PDZRN4: variants seen among roughly 807,000 people sequenced by gnomAD.
The protein encoded by PDZRN4 is PDZ domain-containing RING finger protein 4.
A neutral mutation model predicts 99.0 loss-of-function variants in PDZRN4; 70 were observed. The ratio of observed to expected loss-of-function variants is 0.71; its 90% CI spans 0.58 to 0.86. The LOEUF is 0.86. Ranked by LOEUF, PDZRN4 falls within the 40% of genes least tolerant of loss-of-function variation. The probability of loss-of-function intolerance (pLI) is 0.00; values close to 1 mark genes in which losing one functional copy is unlikely to be tolerated. For missense variants in PDZRN4, 1,474 were observed against 1,331.2 expected (o/e 1.11, Z -1.67); for synonymous variants, 551 against 501.6 (o/e 1.10, Z -1.32).
chr12:41,425,643 T>C (rs1952529577), intron 3 of PDZRN4, among the ~76,000 whole-genome samples: 2 of 152,122 alleles, frequency 1.3e-5, no homozygotes, highest in Admixed American at 1.3e-4. Context: ...AAAAAATATG[T>C]CCACATTCAC....
intron 3 of PDZRN4, among the ~76,000 whole-genome samples, chr12:41,423,588 T>A (rs1460857437): frequency 2.0e-5 from 3 of 152,156 alleles, no homozygotes; most frequent in Non-Finnish European, 4.4e-5. Flanking sequence ...TGCATCACAT[T>A]GTCCTATAAC....
chr12:41,439,970 C>T (rs544044370), intron 3 of PDZRN4, among the ~76,000 whole-genome samples: 45 of 152,202 alleles, frequency 3.0e-4, no homozygotes, highest in Middle Eastern at 3.4e-3. Context: ...TCATATAATA[C>T]GCTGGAGCCC....
At chr12:41,246,315 T>C (rs1268593130) in intron 3 of PDZRN4, among the ~76,000 whole-genome samples, 2 of 152,240 alleles carry the variant, frequency 1.3e-5, no homozygotes, top group Admixed American at 6.5e-5. Flanking sequence ...GTATTTCAAC[T>C]GTACAGTTAA....
intron 3 of PDZRN4, among the ~76,000 whole-genome samples, chr12:41,366,251 T>C (rs1034096983): frequency 2.6e-5 from 4 of 152,144 alleles, no homozygotes; most frequent in African/African-American, 9.7e-5. Flanking sequence ...GTCACGGCCA[T>C]AGATTTTGTG....
rs1458172 is a variant in PDZRN4 at position 41,508,873 on chromosome 12, C to G, written c.1101-938C>G. On this transcript the variant is annotated intron_variant, in intron 4 of 9. Coordinates refer to ENST00000402685, the MANE Select transcript of PDZRN4 (RefSeq NM_001164595.2). ...ATTGATACTGCTATCTCCAATTTTT[C>G]AAAAAGATCCACACTGGCAGGAGTT... Among the ~76,000 whole-genome samples the G allele has an allele frequency of 8.8e-3, 1,345 of 151,982 alleles. 56 individuals are homozygous for G. In the East Asian group the frequency reaches 0.14, roughly 15 times the overall value.
At chr12:41,204,612 G>C (rs1172086238) in intron 3 of PDZRN4, among the ~76,000 whole-genome samples, 1 of 151,976 alleles carries the variant, frequency 6.6e-6, no homozygotes, top group Non-Finnish European at 1.5e-5. Flanking sequence ...AAATGCAGGA[G>C]GAACTACCAA....
intron 3 of PDZRN4, among the ~76,000 whole-genome samples, chr12:41,253,032 T>C (rs1471257633): frequency 6.6e-6 from 1 of 152,150 alleles, no homozygotes; most frequent in Admixed American, 6.5e-5. Flanking sequence ...GAGATGAACA[T>C]GTGGGAAAGA....
intron 3 of PDZRN4, among the ~76,000 whole-genome samples, chr12:41,213,281 G>A (rs1172377820): frequency 6.6e-6 from 1 of 152,060 alleles, no homozygotes; most frequent in Admixed American, 6.6e-5. Context: ...AGGCTGGCTA[G>A]TCAGCCAGTG....
At chr12:41,406,881 G>C (rs969207246) in intron 3 of PDZRN4, among the ~76,000 whole-genome samples, 1 of 125,794 alleles carries the variant, frequency 7.9e-6, no homozygotes, top group East Asian at 2.2e-4. Context: ...AAAAAAAAAA[G>C]ACAATTCTAA....
chr12:41,390,614 C>A (rs1413319427), intron 3 of PDZRN4, among the ~76,000 whole-genome samples: 1 of 143,110 alleles, frequency 7.0e-6, no homozygotes, highest in African/African-American at 2.6e-5. Context: ...TTGATGATTT[C>A]TGGGGTTTAG....
intron 8 of PDZRN4, among the ~76,000 whole-genome samples, chr12:41,566,998 T>G (rs1212475745): frequency 6.6e-6 from 1 of 152,180 alleles, no homozygotes; most frequent in Non-Finnish European, 1.5e-5. Flanking sequence ...CACTTTGTAT[T>G]GAAAAGCCGA....
rs1170427616 is a variant in PDZRN4, at chr12:41,339,758, C to G, written c.843+145570C>G. Among the ~76,000 whole-genome samples, 4 of 151,894 alleles carry G rather than the reference C, an allele frequency of 2.6e-5. No individual in the cohort carries two copies. The East Asian group carries it at 7.7e-4, about 29-fold the overall frequency. ...TCTAATAATCCAATTTAAAAATGGG[C>G]AAAAGGGCTGAATACAGATTTCTCA... On this transcript the variant is annotated intron_variant, in intron 3 of 9. Transcript: ENST00000402685.
rs1394757102 is a variant in PDZRN4, at chr12:41,572,846, C to T, written c.2067C>T (p.Leu689=). The T allele has an allele frequency of 1.9e-6, 3 of 1,614,050 alleles. No individual in the cohort carries two copies. Among genetic ancestry groups the T allele is most frequent in the East Asian group, 4.5e-5 (2 of 44,876 alleles). The change falls in exon 10 of 10, where the codon CTC becomes CTT. Residue 689 remains leucine (L), a synonymous_variant. Coordinates refer to ENST00000402685, the MANE Select transcript of PDZRN4 (RefSeq NM_001164595.2). ...AGAATATCATGCAGGCTCACAGGCT[C>T]CAGAAAGTGACAGACCAGTATGGAG... is the stretch of plus-strand genomic sequence containing the variant. ...ECQNIMQAHR[L]QKVTDQYGDI...
chr12:41,518,094 T>C (rs1938434286), intron 5 of PDZRN4, among the ~76,000 whole-genome samples: 1 of 152,242 alleles, frequency 6.6e-6, no homozygotes, highest in Non-Finnish European at 1.5e-5. Context: ...GTCTCTGAAA[T>C]GAATGAGTGG....
intron 5 of PDZRN4, among the ~76,000 whole-genome samples, chr12:41,541,448 A>G (rs1395489294): frequency 1.7e-5 from 2 of 120,494 alleles, no homozygotes; most frequent in Admixed American, 8.2e-5. Context: ...CTTCTTCTAG[A>G]CTTTTTTTTT....
At chr12:41,526,667 C>T (rs1938572683) in intron 5 of PDZRN4, among the ~76,000 whole-genome samples, 1 of 152,192 alleles carries the variant, frequency 6.6e-6, no homozygotes, top group Admixed American at 6.5e-5. Flanking sequence ...TACTATCAGA[C>T]ATTTGTCTCA....
intron 5 of PDZRN4, among the ~76,000 whole-genome samples, chr12:41,530,954 G>A (rs1012851999): frequency 6.6e-6 from 1 of 151,872 alleles, no homozygotes; most frequent in Non-Finnish European, 1.5e-5. Context: ...CATACAGACC[G>A]GCAGGCTGTG....
intron 3 of PDZRN4, among the ~76,000 whole-genome samples, chr12:41,502,852 T>A (rs557115331): frequency 5.9e-5 from 9 of 152,176 alleles, no homozygotes; most frequent in African/African-American, 2.2e-4. Flanking sequence ...TATGGCAATA[T>A]GAAACACCAA....
intron 1 of PDZRN4, 130 bp from the exon 2 acceptor site, chr12:41,191,328 A>G: frequency 3.3e-6 from 2 of 606,870 alleles, no homozygotes; most frequent in Non-Finnish European, 5.7e-6. Flanking sequence ...GCCACATTCA[A>G]CCATCCTTAA....
Sources: gnomAD v4.1 joint callset for allele counts (sites outside exome capture counted in the v4.1 genomes callset) on GRCh38, gnomAD v4.1.1 for gene constraint, MANE v1.5 for transcripts, NCBI Gene and HGNC (gene_info 2026-07-23, HGNC 2026-07-21) for gene names.